COL22A1: variants seen among roughly 807,000 people sequenced by gnomAD.
COL22A1 encodes collagen type XXII alpha 1 chain.
A neutral mutation model predicts 248.9 loss-of-function variants in COL22A1; 221 were observed. The ratio of observed to expected loss-of-function variants is 0.89; its 90% CI spans 0.80 to 0.99. The LOEUF (loss-of-function observed/expected upper bound fraction) is 0.99, where lower values mean the gene tolerates loss of function less well. Among genes scored for constraint, COL22A1 ranks in the 50% least tolerant of loss-of-function variants. The pLI is 0.00. For synonymous variants in COL22A1, 891 were observed against 793.4 expected, an observed-to-expected ratio of 1.12 and a Z score of -2.07; for missense variants, 2,240 against 2,179.0, an observed-to-expected ratio of 1.03 and a Z score of -0.56.
In COL22A1 at chr8:138,804,466, A is replaced by G. The variant is rs752898132; in HGVS notation, c.1495-1532T>C. 7.9e-4 allele frequency among the ~76,000 whole-genome samples: 120 copies of G among 152,122 alleles called. 1 individual carries two copies. Among genetic ancestry groups the G allele is most frequent in the Non-Finnish European group, 1.4e-3 (96 of 68,012 alleles). ...AAGCACAGCAGAGGCAGCCATTACT[A>G]AACAGCCCTTGCTTCACACAAATGT... is the stretch of plus-strand genomic sequence containing the variant. On this transcript the variant is annotated intron_variant, in intron 10 of 64. Transcript: ENST00000303045.
chr8:138,812,964 G>A lies in COL22A1; in HGVS notation c.1301C>T (p.Thr434Ile). ...CGGACCCGAGGGGATATCACAACAA[G>A]TCTCCAATTCTGCGTGTCTCGAGTC... The part of the protein sequence containing the change: ...YCDSRHAELE[T>I]CCDIPSGPCQ... The change falls in exon 8 of 65, where the codon ACT (threonine) becomes ATT (isoleucine). Residue 434 changes from threonine to isoleucine, a missense_variant. Coordinates refer to ENST00000303045, the MANE Select transcript of COL22A1 (RefSeq NM_152888.3). The A allele has an allele frequency of 6.2e-7, 1 of 1,613,840 alleles. No homozygotes were observed.
intron 2 of COL22A1, 69 bp downstream of exon 2, chr8:138,883,013 C>T: frequency 7.4e-7 from 1 of 1,344,120 alleles, no homozygotes; most frequent in South Asian, 1.3e-5. Context: ...ACACCACAGC[C>T]CATGCTCACG....
intron 18 of COL22A1, among the ~76,000 whole-genome samples, chr8:138,759,524 C>T (rs1427287416): frequency 6.6e-6 from 1 of 152,210 alleles, no homozygotes; most frequent in African/African-American, 2.4e-5. Context: ...GGCTATGTCT[C>T]GTCACCCCTC....
intron 59 of COL22A1, among the ~76,000 whole-genome samples, chr8:138,604,498 A>T (rs1168981856): frequency 6.6e-6 from 1 of 152,226 alleles, no homozygotes; most frequent in Non-Finnish European, 1.5e-5. Context: ...TGAGGAATAA[A>T]CAAGTGAAAC....
intron 23 of COL22A1, among the ~76,000 whole-genome samples, chr8:138,735,013 T>A (rs1831000179): frequency 6.6e-6 from 1 of 152,020 alleles, no homozygotes; most frequent in Non-Finnish European, 1.5e-5. Flanking sequence ...CTGGGGCCTG[T>A]CAGTGGGTTG....
chr8:138,748,240 A>G (rs1438268903), intron 22 of COL22A1, among the ~76,000 whole-genome samples: 1 of 152,096 alleles, frequency 6.6e-6, no homozygotes, highest in Non-Finnish European at 1.5e-5. Context: ...CTGTCCTCTG[A>G]ACATCTGTAG....
At chr8:138,629,343 G>C (rs905229667) in intron 50 of COL22A1, among the ~76,000 whole-genome samples, 1 of 151,888 alleles carries the variant, frequency 6.6e-6, no homozygotes, top group Non-Finnish European at 1.5e-5. Flanking sequence ...TTTTAGTAGA[G>C]GGGTTTCATC....
At chr8:138,705,521 C>T (rs1271232917) in intron 30 of COL22A1, among the ~76,000 whole-genome samples, 1 of 152,150 alleles carries the variant, frequency 6.6e-6, no homozygotes, top group Non-Finnish European at 1.5e-5. Flanking sequence ...ATTTCATATC[C>T]AGCCAAACTA....
At chr8:138,824,186 T>C (rs1431990707) in intron 6 of COL22A1, among the ~76,000 whole-genome samples, 1 of 152,260 alleles carries the variant, frequency 6.6e-6, no homozygotes, top group East Asian at 1.9e-4. Context: ...CTATTTCATA[T>C]GTTCGAGCAC....
At chr8:138,797,533 G>A (rs1369299568) in intron 11 of COL22A1, among the ~76,000 whole-genome samples, 3 of 152,106 alleles carry the variant, frequency 2.0e-5, no homozygotes, top group African/African-American at 4.8e-5. Context: ...TGTAAATAAC[G>A]CTGCTATAAA....
chr8:138,885,969 G>C (rs1386005995), intron 1 of COL22A1, among the ~76,000 whole-genome samples: 1 of 152,044 alleles, frequency 6.6e-6, no homozygotes, highest in Non-Finnish European at 1.5e-5. Flanking sequence ...TGGAACCTTG[G>C]TTTTCCAACA....
rs759867368 is a variant in COL22A1 at position 138,672,259 on chromosome 8, G to T, written c.3150+4299C>A. Among the ~76,000 whole-genome samples, 11 of 152,192 alleles carry T rather than the reference G, an allele frequency of 7.2e-5. 1 individual carries two copies. Among genetic ancestry groups the T allele is most frequent in the Non-Finnish European group, 1.5e-4 (10 of 68,034 alleles). On this transcript the variant is annotated intron_variant, in intron 41 of 64. Coordinates refer to ENST00000303045, the MANE Select transcript of COL22A1 (RefSeq NM_152888.3). ...AATCCACCTGCTAGAGTTTCTGGGAGAAACAAATGAGAGACTATCTGTGAG... is the reference window on the plus strand; with the variant it reads ...AATCCACCTGCTAGAGTTTCTGGGATAAACAAATGAGAGACTATCTGTGAG...
intron 12 of COL22A1, among the ~76,000 whole-genome samples, chr8:138,795,902 C>G (rs771436573): frequency 8.5e-5 from 13 of 152,082 alleles, no homozygotes; most frequent in Non-Finnish European, 1.9e-4. Flanking sequence ...TGTTACATAA[C>G]CAGCCCTATG....
intron 62 of COL22A1, among the ~76,000 whole-genome samples, 174 bp downstream of exon 62, chr8:138,596,730 T>C (rs79014366): frequency 0.01 from 1,540 of 152,306 alleles, 28 homozygotes; most frequent in African/African-American, 0.034. Context: ...AGAAAGTATG[T>C]GTCAGATAAA....
intron 40 of COL22A1, among the ~76,000 whole-genome samples, chr8:138,677,574 T>C (rs1265483029): frequency 6.8e-6 from 1 of 146,726 alleles, no homozygotes; most frequent in Non-Finnish European, 1.5e-5. Context: ...TCAACTCAGT[T>C]GGCAGCAAAA....
Position 138,687,215 on chromosome 8 carries a change from C to T in COL22A1, c.2862+1702G>A, listed in dbSNP as rs567614711. The stretch of plus-strand genomic sequence containing the variant: ...CAAGTGACCTGCCTGCCTTGGCCTC[C>T]GAAAGTACTGGGATTACAGGCGTGA... On this transcript the variant is annotated intron_variant, in intron 37 of 64. Transcript: ENST00000303045. Among the ~76,000 whole-genome samples the T allele has an allele frequency of 7.2e-5, 11 of 152,242 alleles. No homozygotes were observed. In the South Asian group the frequency reaches 1.5e-3, roughly 20 times the overall value.
chr8:138,830,170 T>C (rs1024860474), intron 5 of COL22A1, among the ~76,000 whole-genome samples: 2 of 152,180 alleles, frequency 1.3e-5, no homozygotes, highest in African/African-American at 4.8e-5. Flanking sequence ...AGGACCTGAG[T>C]TTGAGGCCAG....
At chr8:138,624,366 T>C (rs985518095) in intron 51 of COL22A1, among the ~76,000 whole-genome samples, 10 of 152,108 alleles carry the variant, frequency 6.6e-5, no homozygotes, top group Non-Finnish European at 1.0e-4. Flanking sequence ...CTGGGGTCGT[T>C]CACAAGGTGC....
intron 7 of COL22A1, among the ~76,000 whole-genome samples, chr8:138,814,884 C>T (rs1299918488): frequency 6.6e-6 from 1 of 152,208 alleles, no homozygotes; most frequent in Non-Finnish European, 1.5e-5. Flanking sequence ...TTCTCTGCCA[C>T]ATGTGCATCT....
Sources: allele counts gnomAD v4.1 joint callset (sites outside exome capture counted in the v4.1 genomes callset), GRCh38; gene constraint gnomAD v4.1.1; transcripts MANE v1.5; gene names NCBI Gene and HGNC (gene_info 2026-07-23, HGNC 2026-07-21).